The following FHIT variants were observed in gnomAD, a reference collection of about 807,000 sequenced individuals.
FHIT encodes bis(5'-adenosyl)-triphosphatase.
In FHIT, 19 loss-of-function variants were observed where a neutral mutation model predicts 17.9. The observed-to-expected ratio is 1.06, with a 90% confidence interval of 0.74 to 1.56. The LOEUF (loss-of-function observed/expected upper bound fraction) is 1.56. Ranked by LOEUF, FHIT falls within the 40% of genes most tolerant of loss-of-function variation. FHIT has a pLI of 0.00. For missense variants in FHIT, 248 were observed against 189.2 expected (o/e 1.31, Z -1.82); for synonymous variants, 81 against 69.7 (o/e 1.16, Z -0.81).
chr3:60,511,803 G>A (rs145114845), intron 5 of FHIT, among the ~76,000 whole-genome samples: 132 of 152,166 alleles, frequency 8.7e-4, no homozygotes, highest in Middle Eastern at 3.4e-3. Flanking sequence ...CAGGAAATGA[G>A]GACAGCTTAT....
intron 4 of FHIT, among the ~76,000 whole-genome samples, chr3:60,678,135 T>C (rs1047420669): frequency 2.0e-5 from 3 of 152,218 alleles, no homozygotes; most frequent in Admixed American, 6.5e-5. Context: ...GGTATTGTTA[T>C]CTTGGTTTTC....
chr3:59,814,738 C>G (rs1369598601), intron 8 of FHIT, among the ~76,000 whole-genome samples: 1 of 152,182 alleles, frequency 6.6e-6, no homozygotes, highest in Non-Finnish European at 1.5e-5. Context: ...AAAAGACAGT[C>G]CCTCTCTCAT....
At chr3:60,406,610 T>C (rs544422661) in intron 5 of FHIT, among the ~76,000 whole-genome samples, 3 of 151,530 alleles carry the variant, frequency 2.0e-5, no homozygotes, top group African/African-American at 4.8e-5. Context: ...TCAATCTTAA[T>C]ATGGACTTTC....
intron 5 of FHIT, among the ~76,000 whole-genome samples, chr3:60,495,988 A>G (rs1400794502): frequency 1.3e-5 from 2 of 152,182 alleles, no homozygotes; most frequent in East Asian, 1.9e-4. Context: ...TTTATATCAC[A>G]TATAAAAGAT....
chr3:60,096,536 G>T (rs1358414828), intron 5 of FHIT, among the ~76,000 whole-genome samples: 1 of 152,128 alleles, frequency 6.6e-6, no homozygotes, highest in African/African-American at 2.4e-5. Flanking sequence ...TGTTTCTGTT[G>T]GTTCGGAGGT....
At chr3:60,497,521 T>C (rs1411023484) in intron 5 of FHIT, among the ~76,000 whole-genome samples, 1 of 152,218 alleles carries the variant, frequency 6.6e-6, no homozygotes, top group Non-Finnish European at 1.5e-5. Flanking sequence ...TATAAATATA[T>C]CTTTGGAAAA....
intron 4 of FHIT, among the ~76,000 whole-genome samples, chr3:60,810,992 A>T (rs1248636601): frequency 2.0e-5 from 3 of 152,194 alleles, no homozygotes; most frequent in African/African-American, 7.2e-5. Flanking sequence ...TGACTAAAAT[A>T]CTTCTCTGTG....
chr3:60,353,819 T>C (rs912205205), intron 5 of FHIT, among the ~76,000 whole-genome samples: 1 of 152,208 alleles, frequency 6.6e-6, no homozygotes, highest in Non-Finnish European at 1.5e-5. Flanking sequence ...CTTTCAAAAT[T>C]GCAGTAATTT....
chr3:60,168,741 C>T (rs1040454708), intron 5 of FHIT, among the ~76,000 whole-genome samples: 19 of 152,176 alleles, frequency 1.2e-4, no homozygotes, highest in Admixed American at 1.2e-3. Flanking sequence ...GGTATATCTC[C>T]TGTAACTTGT....
At chr3:59,877,977 T>G (rs1254958493) in intron 8 of FHIT, among the ~76,000 whole-genome samples, 1 of 152,230 alleles carries the variant, frequency 6.6e-6, no homozygotes, top group Non-Finnish European at 1.5e-5. Context: ...AGTTTTCACC[T>G]TAACTGCTTA....
chr3:60,469,908 TAC>T (rs2032993336), intron 5 of FHIT, among the ~76,000 whole-genome samples: 1 of 152,126 alleles, frequency 6.6e-6, no homozygotes, highest in Non-Finnish European at 1.5e-5. Flanking sequence ...TGCAGGCTTG[TAC>T]AGATACCACC....
intron 3 of FHIT, among the ~76,000 whole-genome samples, chr3:60,897,011 C>T (rs1705856566): frequency 6.6e-6 from 1 of 152,144 alleles, no homozygotes. Context: ...TAGATAAAGA[C>T]ATTTTTATTT....
In FHIT at chr3:60,468,028, C is replaced by T. The variant is rs1254035012; in HGVS notation, c.103+68832G>A. 2.0e-5 allele frequency among the ~76,000 whole-genome samples: 3 copies of T among 152,204 alleles called. No individual in the cohort carries two copies. In the South Asian group the frequency reaches 6.2e-4, roughly 32 times the overall value. ...GTTATATCTCTTGCTGAATTGACCC[C>T]TTTGTCATATAATGACCTTCTTTGT... On this transcript the variant is annotated intron_variant, in intron 5 of 9. Transcript: ENST00000492590.
At chr3:61,033,581 T>A (rs960981735) in intron 3 of FHIT, among the ~76,000 whole-genome samples, 4 of 152,196 alleles carry the variant, frequency 2.6e-5, no homozygotes, top group African/African-American at 9.6e-5. Context: ...AAATTACATA[T>A]GGGGCTTACA....
intron 5 of FHIT, among the ~76,000 whole-genome samples, chr3:60,427,601 T>C (rs1290541560): frequency 6.6e-6 from 1 of 152,158 alleles, no homozygotes; most frequent in African/African-American, 2.4e-5. Context: ...GGCTGTTTTT[T>C]CTTGATCCAA....
chr3:60,027,104 C>A (rs1700771495), intron 5 of FHIT, among the ~76,000 whole-genome samples: 1 of 114,322 alleles, frequency 8.7e-6, no homozygotes, highest in African/African-American at 3.8e-5. Flanking sequence ...CTGTTTCACA[C>A]ACAGACACAC....
In FHIT at chr3:60,814,010, A is replaced by G. The variant is rs537847720; in HGVS notation, c.-18+7909T>C. Among the ~76,000 whole-genome samples the G allele has an allele frequency of 3.9e-5, 6 of 152,230 alleles. No homozygotes were observed. In the South Asian group the frequency reaches 1.2e-3, roughly 32 times the overall value. On this transcript the variant is annotated intron_variant, in intron 4 of 9. Transcript: ENST00000492590. ...TAAAGGCTATCTCTTAACAGAACAT[A>G]GCTGTTCTTGCTTTTTTATACATTC...
chr3:60,893,499 T>G (rs1705624038), intron 3 of FHIT, among the ~76,000 whole-genome samples: 1 of 152,184 alleles, frequency 6.6e-6, no homozygotes, highest in African/African-American at 2.4e-5. Context: ...TAAAGTTAGT[T>G]CCAATTATTA....
At chr3:61,216,587 G>A (rs1008647114) in intron 1 of FHIT, among the ~76,000 whole-genome samples, 2 of 152,170 alleles carry the variant, frequency 1.3e-5, no homozygotes, top group African/African-American at 4.8e-5. Flanking sequence ...TCAGTGTGGC[G>A]ATTCCTCAGG....
Sources: allele counts gnomAD v4.1 joint callset (sites outside exome capture counted in the v4.1 genomes callset), GRCh38; gene constraint gnomAD v4.1.1; transcripts MANE v1.5; gene names NCBI Gene and HGNC (gene_info 2026-07-23, HGNC 2026-07-21).